C16orf96: variants seen among roughly 807,000 people sequenced by gnomAD.
The protein encoded by C16orf96 is uncharacterized protein C16orf96.
In C16orf96, 108 loss-of-function variants were observed where a neutral mutation model predicts 103.6. The observed-to-expected ratio is 1.04, with a 90% confidence interval of 0.89 to 1.22. The LOEUF is 1.22. Ranked by LOEUF, C16orf96 falls within the 50% of genes most tolerant of loss-of-function variation. C16orf96 has a pLI of 0.00. For missense variants in C16orf96, 1,586 were observed against 1,464.2 expected, an observed-to-expected ratio of 1.08 and a Z score of -1.36; for synonymous variants, 566 against 593.5, an observed-to-expected ratio of 0.95 and a Z score of 0.67.
Position 4,567,290 on chromosome 16 carries a change from T to C in C16orf96, c.421-4271T>C, listed in dbSNP as rs192209361. ...TGACATATTTCTTTTCTTTTTTTTT[T>C]TTTTTTTTTTTGAGATGGAGTCTCG... On this transcript the variant is annotated intron_variant, in intron 1 of 15. Coordinates refer to ENST00000444310, the MANE Select transcript of C16orf96 (RefSeq NM_001145011.2). Among the ~76,000 whole-genome samples, 299 of 138,026 alleles carry C rather than the reference T, an allele frequency of 2.2e-3. 4 individuals carry two copies. The highest frequency in any genetic ancestry group is 7.7e-3 in the African/African-American group (289 of 37,414). 90.6% of individuals were successfully genotyped at this position (138,026 alleles called of 152,430 possible).
intron 9 of C16orf96, 96 bp from the exon 10 acceptor site, chr16:4,591,570 G>T (rs748783169): frequency 2.2e-5 from 21 of 976,302 alleles, no homozygotes; most frequent in Non-Finnish European, 3.2e-5. Flanking sequence ...TTGTTACACC[G>T]TGTAACTTCC....
intron 1 of C16orf96, among the ~76,000 whole-genome samples, chr16:4,568,283 A>G (rs989289603): frequency 1.3e-5 from 2 of 152,132 alleles, no homozygotes; most frequent in African/African-American, 4.8e-5. Flanking sequence ...GAAATTTGTT[A>G]AGGCTTGTTT....
chr16:4,576,168 G>T lies in C16orf96; in HGVS notation c.1688G>T (p.Arg563Leu). ...AAGGCTCCCCAGTCTGCCCTTCACC[G>T]GCTGAAAACCACCGCTGCCATCGCC... ...QPKAPQSALHRLKTTAAIAAA... is the reference protein window; with the variant it reads ...QPKAPQSALHLLKTTAAIAAA... Residue 563 changes from arginine to leucine, a missense_variant, in exon 5 of 16, where the codon CGG becomes CTG. Physicochemically the swap from Arg to Leu is moderately radical, Grantham distance 102. Coordinates refer to ENST00000444310, the MANE Select transcript of C16orf96 (RefSeq NM_001145011.2). 1 of 1,551,026 alleles carries T rather than the reference G, an allele frequency of 6.4e-7. No individual in the cohort carries two copies.
chr16:4,600,651 AC>A lies in C16orf96; in HGVS notation c.*339del. On this transcript the variant is annotated 3_prime_UTR_variant, in exon 16 of 16. Transcript: ENST00000444310. ...TAGAGGGGAGGGGTCTGTGTAGGGG[AC>A]CCCCATGCTGACCCAGTGGCTGTTT... is the stretch of plus-strand genomic sequence containing the variant. 3 of 348,188 alleles carry A rather than the reference AC, an allele frequency of 8.6e-6. No homozygotes were observed. The highest frequency in any genetic ancestry group is 1.6e-5 in the Non-Finnish European group (3 of 185,788). 21.6% of individuals were successfully genotyped at this position (348,188 alleles called of 1,614,324 possible). A position where few individuals can be genotyped will look rare whatever the true frequency, so the allele number is the denominator to read the frequency against.
the C16orf96 span, among the ~76,000 whole-genome samples, chr16:4,547,950 T>G: frequency 2.0e-5 from 3 of 151,930 alleles, no homozygotes; most frequent in Non-Finnish European, 4.4e-5. Flanking sequence ...GAGTTTTCTT[T>G]TTAGGGTAAT....
the C16orf96 span, among the ~76,000 whole-genome samples, chr16:4,549,607 G>A: frequency 2.0e-5 from 3 of 151,854 alleles, no homozygotes; most frequent in East Asian, 3.9e-4. Context: ...AAACCAGCCT[G>A]GCCAACATAG....
Position 4,575,678 on chromosome 16 carries a change from C to G in C16orf96, c.1198C>G (p.Pro400Ala). ...PRRWPLPQGW[P>A]RVGSWPLWDL... ...ACGCTGGCCTCTTCCCCAAGGCTGG[C>G]CCAGGGTGGGCTCTTGGCCTCTGTG... The change falls in exon 5 of 16, where the codon CCC (proline) becomes GCC (alanine). Residue 400 changes from proline to alanine, a missense_variant. Pro to Ala is a conservative substitution (Grantham distance 27). Coordinates refer to ENST00000444310, the MANE Select transcript of C16orf96 (RefSeq NM_001145011.2). The G allele has an allele frequency of 6.5e-7, 1 of 1,535,496 alleles. No homozygotes were observed. The highest frequency in any genetic ancestry group is 8.8e-7 in the Non-Finnish European group (1 of 1,139,814).
the C16orf96 span, among the ~76,000 whole-genome samples, chr16:4,540,158 CCTTT>C: frequency 6.6e-6 from 1 of 152,178 alleles, no homozygotes; most frequent in Non-Finnish European, 1.5e-5. Flanking sequence ...TCAGGTACTT[CCTTT>C]GTTACAGACA....
At chr16:4,594,846 C>T in intron 14 of C16orf96, 43 bp downstream of exon 14, 2 of 1,535,398 alleles carry the variant, frequency 1.3e-6, no homozygotes, top group Non-Finnish European at 8.8e-7. Context: ...GCCTGGGGCC[C>T]TGGTTCTGCT....
At chr16:4,570,773 C>T (rs1348722298) in intron 1 of C16orf96, among the ~76,000 whole-genome samples, 1 of 152,140 alleles carries the variant, frequency 6.6e-6, no homozygotes, top group Non-Finnish European at 1.5e-5. Flanking sequence ...GCTCGCAACA[C>T]ACTTCTGACA....
At chr16:4,543,436 T>G in the C16orf96 span, among the ~76,000 whole-genome samples, 7 of 152,166 alleles carry the variant, frequency 4.6e-5, no homozygotes, top group Admixed American at 2.0e-4. Flanking sequence ...GATGTAATGT[T>G]GAGAATTTTG....
chr16:4,589,137 G>C (rs567103458), intron 9 of C16orf96, among the ~76,000 whole-genome samples: 2 of 152,168 alleles, frequency 1.3e-5, no homozygotes, highest in African/African-American at 4.8e-5. Flanking sequence ...GCAGCCAGGA[G>C]AGTGGCATAG....
chr16:4,542,012 A>G, the C16orf96 span, among the ~76,000 whole-genome samples: 2 of 152,174 alleles, frequency 1.3e-5, no homozygotes, highest in Admixed American at 1.3e-4. Context: ...ATCTGACTAC[A>G]GTGTGGAGAA....
Position 4,590,388 on chromosome 16 carries a change from G to C in C16orf96, c.2593-1278G>C, listed in dbSNP as rs528252331. Among the ~76,000 whole-genome samples the C allele has an allele frequency of 2.5e-4, 38 of 150,980 alleles. No individual in the cohort carries two copies. In the East Asian group the frequency reaches 7.6e-3, roughly 30 times the overall value. ...AGCCTGACCAACATGGTGAAACACT[G>C]TCTCTACTAAAAATACAAAACTAGC... On this transcript the variant is annotated intron_variant, in intron 9 of 15. Transcript: ENST00000444310.
At chr16:4,544,076 T>C in the C16orf96 span, among the ~76,000 whole-genome samples, 1 of 152,006 alleles carries the variant, frequency 6.6e-6, no homozygotes, top group Non-Finnish European at 1.5e-5. Context: ...GGAGGGGTCA[T>C]AGAGGGGGTA....
chr16:4,573,469 G>A lies in C16orf96; in HGVS notation c.526-1240G>A, dbSNP rs528880924. ...AAAAAAAAAAAAAAAGGTGGGGTCGGTGGGGCGGCATGGTGGTTCACGCCT... is the reference window on the plus strand; with the variant it reads ...AAAAAAAAAAAAAAAGGTGGGGTCGATGGGGCGGCATGGTGGTTCACGCCT... On this transcript the variant is annotated intron_variant, in intron 2 of 15. Coordinates refer to ENST00000444310, the MANE Select transcript of C16orf96 (RefSeq NM_001145011.2). 2.1e-5 allele frequency among the ~76,000 whole-genome samples: 3 copies of A among 143,698 alleles called. No homozygotes were observed. In the South Asian group the frequency reaches 6.8e-4, roughly 32 times the overall value. 94.3% of individuals were successfully genotyped at this position (143,698 alleles called of 152,430 possible).
the C16orf96 span, among the ~76,000 whole-genome samples, chr16:4,539,900 C>T: frequency 6.6e-6 from 1 of 152,130 alleles, no homozygotes; most frequent in African/African-American, 2.4e-5. Context: ...TCCTTCAACA[C>T]CCTGTGATTT....
chr16:4,594,292 G>A (rs994735017), intron 12 of C16orf96, 59 bp from the exon 13 acceptor site: 23 of 1,529,646 alleles, frequency 1.5e-5, no homozygotes, highest in Middle Eastern at 2.1e-4. Context: ...CTTGGGGCCC[G>A]TCCTGGGCTC....
rs1246118887 is a variant in C16orf96 at position 4,576,190 on chromosome 16, CGCCGCCGCT to C, written c.1719_1727del (p.Ala575_Ala577del). On this transcript the variant is annotated inframe_deletion, in exon 5 of 16. Coordinates refer to ENST00000444310, the MANE Select transcript of C16orf96 (RefSeq NM_001145011.2). Reference sequence around the variant, plus strand: ...ACCGGCTGAAAACCACCGCTGCCATCGCCGCCGCTGCCGCCGCAGCCTACGCCGCTGCCA... The same window carrying C: ...ACCGGCTGAAAACCACCGCTGCCATCGCCGCCGCAGCCTACGCCGCTGCCA... The C allele has an allele frequency of 5.2e-6, 8 of 1,550,348 alleles. No individual in the cohort carries two copies. Among genetic ancestry groups the C allele is most frequent in the Middle Eastern group, 1.7e-4 (1 of 6,014 alleles).
Sources: allele counts gnomAD v4.1 joint callset (sites outside exome capture counted in the v4.1 genomes callset), GRCh38; gene constraint gnomAD v4.1.1; transcripts MANE v1.5; gene names NCBI Gene and HGNC (gene_info 2026-07-23, HGNC 2026-07-21).